Variants in AXIN2 observed in about 807,000 individuals in gnomAD.
AXIN2 encodes axin 2.
Under a neutral mutation model 74.7 loss-of-function variants are expected in AXIN2, and 21 were observed. The ratio of observed to expected loss-of-function variants is 0.28; its 90% CI spans 0.20 to 0.40. AXIN2 has a LOEUF of 0.40. Ranked by LOEUF, AXIN2 falls within the 10% of genes least tolerant of loss-of-function variation. AXIN2 has a pLI of 1.00. For missense variants in AXIN2, 1,144 were observed against 1,111.1 expected (o/e 1.03, Z -0.42); for synonymous variants, 532 against 454.9 (o/e 1.17, Z -2.16).
In AXIN2 at chr17:65,536,871, A is replaced by G. The variant is rs771764608; in HGVS notation, c.1905T>C (p.His635=). ...CGGCGGCGGCAAGCGGTGTTTACCT[A>G]TGGGGCTTGGGCTTGCTCTGCCGCT... The part of the protein sequence containing the change: ...ESERQSKPKP[H]SAQSTKKAYP... The change falls in exon 7 of 11, where the codon CAT becomes CAC. Residue 635 remains histidine, a splice_region_variant and synonymous_variant. Coordinates refer to ENST00000307078, the MANE Select transcript of AXIN2 (RefSeq NM_004655.4). The G allele has an allele frequency of 1.2e-6, 2 of 1,612,994 alleles. No individual in the cohort carries two copies. The highest frequency in any genetic ancestry group is 2.7e-5 in the African/African-American group (2 of 74,894).
rs9913621 is a variant in AXIN2, at chr17:65,537,421, C to A, written c.1615G>T (p.Val539Leu). ...CTGCCCCCAGGGCAGAAGCAGTGCACCCGCTGCGTGGCCTCCGCCTCGATC... is the reference window on the plus strand; with the variant it reads ...CTGCCCCCAGGGCAGAAGCAGTGCAACCGCTGCGTGGCCTCCGCCTCGATC... ...EEIEAEATQR[V>L]HCFCPGGSEY... Residue 539 changes from valine (V) to leucine (L), a missense_variant, in exon 6 of 11, where the codon GTG becomes TTG. This residue lies in a region of AXIN2 where 1,053 missense variants were observed against 973.5 expected (regional missense o/e 1.08). Transcript: ENST00000307078. The A allele has an allele frequency of 6.2e-7, 1 of 1,613,986 alleles. No homozygotes were observed. Among genetic ancestry groups the A allele is most frequent in the African/African-American group, 1.3e-5 (1 of 74,986 alleles).
chr17:65,547,804 A>G (rs946429347), intron 3 of AXIN2, among the ~76,000 whole-genome samples: 1 of 152,248 alleles, frequency 6.6e-6, no homozygotes, highest in East Asian at 1.9e-4. Flanking sequence ...GCAAGCACAC[A>G]GACAGCAAAA....
At chr17:65,556,116 A>G (rs8079123) in intron 2 of AXIN2, among the ~76,000 whole-genome samples, 145,210 of 152,216 alleles carry the variant, frequency 0.95, 69,480 homozygotes, top group Middle Eastern at 0.97. Flanking sequence ...GCCCAGGCTG[A>G]GTCGCAACTG....
rs182873157 is a variant in AXIN2, at chr17:65,558,755, G to C, written c.-116-19C>G. 1 of 875,310 alleles carries C rather than the reference G, an allele frequency of 1.1e-6. No homozygotes were observed. The highest frequency in any genetic ancestry group is 1.8e-6 in the Non-Finnish European group (1 of 548,868). 54.2% of individuals were successfully genotyped at this position (875,310 alleles called of 1,614,324 possible). ...CTCCTCTCTGGAAAGAAAAGGAAGG[G>C]GGGAGGTGGGGAGAGAGAAAAGGGT... On this transcript the variant is annotated intron_variant, in intron 1 of 10. Coordinates refer to ENST00000307078, the MANE Select transcript of AXIN2 (RefSeq NM_004655.4).
At position 65,557,989 on chromosome 17, in the gene AXIN2, C is replaced by G. The variant is rs201399449; in HGVS notation, c.632G>C (p.Ser211Thr). ...RSGGENTAYM[S>T]NGGLGSLKVV... ...CTTTAGGCTCCCGAGTCCCCCATTACTCATGTAAGCTGTGTTTTCTCCCCC... is the reference window on the plus strand; with the variant it reads ...CTTTAGGCTCCCGAGTCCCCCATTAGTCATGTAAGCTGTGTTTTCTCCCCC... The change falls in exon 2 of 11, where the codon AGT becomes ACT. Residue 211 changes from serine (S) to threonine (T), a missense_variant. Ser to Thr is a moderately conservative substitution (Grantham distance 58, BLOSUM62 1). Transcript: ENST00000307078. The G allele has an allele frequency of 6.2e-7, 1 of 1,614,190 alleles. No homozygotes were observed. Among genetic ancestry groups the G allele is most frequent in the East Asian group, 2.2e-5 (1 of 44,872 alleles).
chr17:65,543,697 T>C (rs917999825), intron 3 of AXIN2, among the ~76,000 whole-genome samples: 4 of 152,162 alleles, frequency 2.6e-5, no homozygotes, highest in Non-Finnish European at 5.9e-5. Flanking sequence ...AAGATGCCCT[T>C]CCCAGCCCCA....
intron 2 of AXIN2, among the ~76,000 whole-genome samples, chr17:65,554,618 A>G (rs1168334721): frequency 6.6e-6 from 1 of 152,196 alleles, no homozygotes; most frequent in Non-Finnish European, 1.5e-5. Context: ...CTTGATTCCA[A>G]TGGCTCCGCA....
intron 2 of AXIN2, among the ~76,000 whole-genome samples, chr17:65,552,646 T>C (rs1339776910): frequency 2.0e-5 from 3 of 152,146 alleles, no homozygotes; most frequent in South Asian, 2.1e-4. Flanking sequence ...TGCACCAAGT[T>C]CTGAGGTCCT....
chr17:65,529,453 G>T lies in AXIN2; in HGVS notation c.*523C>A. 3.6e-6 allele frequency: 1 copy of T among 275,746 alleles called. No homozygotes were observed. Among genetic ancestry groups the T allele is most frequent in the Non-Finnish European group, 7.0e-6 (1 of 143,368 alleles). 17.1% of individuals were successfully genotyped at this position (275,746 alleles called of 1,614,324 possible). On this transcript the variant is annotated 3_prime_UTR_variant, in exon 11 of 11. Coordinates refer to ENST00000307078, the MANE Select transcript of AXIN2 (RefSeq NM_004655.4). Reference sequence around the variant, plus strand: ...TTCACTTGGAGGGACGTAGTGCAAAGCATAATTCCTCTGTTAGTGAAGAAA... The same window carrying T: ...TTCACTTGGAGGGACGTAGTGCAAATCATAATTCCTCTGTTAGTGAAGAAA...
chr17:65,544,032 C>T (rs879644167), intron 3 of AXIN2, among the ~76,000 whole-genome samples: 25 of 152,106 alleles, frequency 1.6e-4, no homozygotes, highest in Admixed American at 3.9e-4. Context: ...GGGACTTAGA[C>T]AGTGGATGAC....
At chr17:65,558,881 G>A (rs2044318742) in intron 1 of AXIN2, 145 bp from the exon 2 acceptor site, 5 of 542,156 alleles carry the variant, frequency 9.2e-6, no homozygotes, top group Non-Finnish European at 1.7e-5. Context: ...CTATCTGCGA[G>A]GTGCTCATCT....
At position 65,537,554 on chromosome 17, in the gene AXIN2, C is replaced by A. The variant is rs1057522677; in HGVS notation, c.1482G>T (p.Pro494=). 5 of 1,612,060 alleles carry A rather than the reference C, an allele frequency of 3.1e-6. No individual in the cohort carries two copies. The highest frequency in any genetic ancestry group is 1.7e-5 in the Admixed American group (1 of 59,868). ...GGKLPPAAAS[P]GACPLLGGKG... Reference sequence around the variant, plus strand: ...TGCCCCCGAGGAGGGGGCAGGCGCCCGGCGAGGCGGCCGCGGGAGGCAGCT... The same window carrying A: ...TGCCCCCGAGGAGGGGGCAGGCGCCAGGCGAGGCGGCCGCGGGAGGCAGCT... The change falls in exon 6 of 11, where the codon CCG becomes CCT. Residue 494 remains proline (P), a synonymous_variant. Transcript: ENST00000307078.
At chr17:65,555,110 G>C (rs976180735) in intron 2 of AXIN2, among the ~76,000 whole-genome samples, 2 of 152,088 alleles carry the variant, frequency 1.3e-5, no homozygotes, top group Non-Finnish European at 2.9e-5. Flanking sequence ...AATCAGTAAG[G>C]ACACAAACAA....
At chr17:65,536,636 T>G in intron 7 of AXIN2, 83 bp from the exon 8 acceptor site, 1 of 1,516,454 alleles carries the variant, frequency 6.6e-7, no homozygotes, top group Middle Eastern at 1.7e-4. Flanking sequence ...AATAGAAACT[T>G]GTCTATTCTG....
At chr17:65,542,672 TG>T (rs1167042866) in intron 3 of AXIN2, among the ~76,000 whole-genome samples, 3 of 152,228 alleles carry the variant, frequency 2.0e-5, no homozygotes, top group South Asian at 4.1e-4. Context: ...AGAGTTGCCA[TG>T]ATTTTTTCCA....
intron 2 of AXIN2, among the ~76,000 whole-genome samples, chr17:65,555,870 C>A (rs184739161): frequency 6.6e-6 from 1 of 152,016 alleles, no homozygotes; most frequent in East Asian, 1.9e-4. Flanking sequence ...CCAGTTAAGA[C>A]ATATGAGCTT....
At chr17:65,560,740 G>T (rs1243832730) in intron 1 of AXIN2, 1 of 151,710 alleles carries the variant, frequency 6.6e-6, no homozygotes, top group African/African-American at 2.4e-5. Context: ...AGCGCGCCCC[G>T]AAATAGCCGG....
chr17:65,555,655 T>C (rs1251445344), intron 2 of AXIN2, among the ~76,000 whole-genome samples: 4 of 152,202 alleles, frequency 2.6e-5, no homozygotes, highest in East Asian at 1.9e-4. Context: ...ACAGAAGGAA[T>C]GGTGCCCACC....
intron 6 of AXIN2, 59 bp downstream of exon 6, chr17:65,537,265 C>T: frequency 6.2e-7 from 1 of 1,609,734 alleles, no homozygotes; most frequent in Non-Finnish European, 8.5e-7. Flanking sequence ...CACACCTGCC[C>T]ATGGACCTGG....
Sources: allele counts gnomAD v4.1 joint callset (sites outside exome capture counted in the v4.1 genomes callset), GRCh38; gene constraint gnomAD v4.1.1; regional missense constraint gnomAD v4.1.1; transcripts MANE v1.5; gene names NCBI Gene and HGNC (gene_info 2026-07-23, HGNC 2026-07-21).